The following TRERF1 variants were observed in gnomAD, a reference collection of about 807,000 sequenced individuals.
TRERF1 encodes the protein transcriptional regulating factor 1, also known as transcriptional-regulating factor 1.
In TRERF1, 27 loss-of-function variants were observed where a neutral mutation model predicts 122.9. The ratio of observed to expected loss-of-function variants is 0.22; its 90% CI spans 0.16 to 0.30. The LOEUF (loss-of-function observed/expected upper bound fraction) is 0.30, where lower values mean the gene tolerates loss of function less well. TRERF1 is among the 10% of genes least tolerant of loss of function. The pLI is 1.00. For missense variants in TRERF1, 1,248 were observed against 1,560.3 expected, an observed-to-expected ratio of 0.80 and a Z score of 3.37; for synonymous variants, 636 against 641.7, an observed-to-expected ratio of 0.99 and a Z score of 0.13.
At chr6:42,408,240 TGTATATATACATACAC>T (rs1780516256) in intron 2 of TRERF1, among the ~76,000 whole-genome samples, 5 of 108,386 alleles carry the variant, frequency 4.6e-5, no homozygotes, top group African/African-American at 1.4e-4. Context: ...TGTGTGTGTA[TGTATATATACATACAC>T]ATGTGTGTGT....
intron 3 of TRERF1, among the ~76,000 whole-genome samples, chr6:42,323,105 A>G (rs1393035235): frequency 6.6e-6 from 1 of 152,140 alleles, no homozygotes; most frequent in East Asian, 1.9e-4. Context: ...TATTTGTCTA[A>G]GAGTGGTAAA....
chr6:42,425,713 T>A (rs1783545526), intron 2 of TRERF1, among the ~76,000 whole-genome samples: 1 of 151,572 alleles, frequency 6.6e-6, no homozygotes, highest in African/African-American at 2.4e-5. Context: ...CCAGCTAATT[T>A]TTTGTATTTT....
chr6:42,408,355 G>GTATATA (rs1343646533), intron 2 of TRERF1, among the ~76,000 whole-genome samples: 7 of 102,452 alleles, frequency 6.8e-5, no homozygotes, highest in African/African-American at 1.5e-4. Context: ...GTGTGTGTGT[G>GTATATA]TATATATATA....
chr6:42,258,070 A>G, intron 10 of TRERF1, 65 bp downstream of exon 10: 2 of 1,398,494 alleles, frequency 1.4e-6, no homozygotes, highest in East Asian at 2.3e-5. Context: ...TGACTACAAA[A>G]GTATTAACTA....
chr6:42,315,503 C>T (rs936952420), intron 3 of TRERF1, among the ~76,000 whole-genome samples: 15 of 152,262 alleles, frequency 9.9e-5, no homozygotes, highest in African/African-American at 2.9e-4. Flanking sequence ...GCGCTAGGAT[C>T]GGCGCTTAGA....
intron 2 of TRERF1, among the ~76,000 whole-genome samples, chr6:42,409,377 C>T (rs1005372935): frequency 1.3e-5 from 2 of 152,174 alleles, no homozygotes; most frequent in Non-Finnish European, 2.9e-5. Context: ...ATTTTAATAA[C>T]TACTGCTTGC....
intron 15 of TRERF1, 136 bp from the exon 16 acceptor site, chr6:42,236,547 G>T: frequency 7.4e-7 from 1 of 1,344,464 alleles, no homozygotes; most frequent in Non-Finnish European, 9.9e-7. Context: ...CATAAGGAAT[G>T]GTGGACAGAG....
At chr6:42,379,227 T>C (rs1364263000) in intron 2 of TRERF1, among the ~76,000 whole-genome samples, 2 of 151,740 alleles carry the variant, frequency 1.3e-5, no homozygotes, top group South Asian at 4.2e-4. Flanking sequence ...GAAAAGGGAG[T>C]CTAGGCATGG....
chr6:42,443,821 C>T (rs886784145), intron 2 of TRERF1, among the ~76,000 whole-genome samples: 1 of 152,186 alleles, frequency 6.6e-6, no homozygotes. Flanking sequence ...GGAAATGTTT[C>T]GCTGGCTGTC....
At chr6:42,386,156 G>A (rs906282001) in intron 2 of TRERF1, among the ~76,000 whole-genome samples, 4 of 152,214 alleles carry the variant, frequency 2.6e-5, no homozygotes, top group South Asian at 2.1e-4. Flanking sequence ...GGGAGTTTGA[G>A]GCCGACATGG....
chr6:42,359,111 G>A (rs1771197433), intron 3 of TRERF1, among the ~76,000 whole-genome samples: 1 of 152,160 alleles, frequency 6.6e-6, no homozygotes, highest in South Asian at 2.1e-4. Context: ...AGGTGGTAAA[G>A]CTTTTGGAGG....
chr6:42,432,898 A>C (rs1387033316), intron 2 of TRERF1, among the ~76,000 whole-genome samples: 1 of 152,132 alleles, frequency 6.6e-6, no homozygotes, highest in Non-Finnish European at 1.5e-5. Flanking sequence ...AAAGACATGG[A>C]AAATACTTCT....
chr6:42,315,134 T>C (rs1410453103), intron 3 of TRERF1, among the ~76,000 whole-genome samples: 2 of 152,110 alleles, frequency 1.3e-5, no homozygotes, highest in East Asian at 1.9e-4. Flanking sequence ...CTCCATTATG[T>C]AGGGTAGTGG....
At chr6:42,287,036 G>C (rs1169421505) in intron 4 of TRERF1, among the ~76,000 whole-genome samples, 2 of 146,638 alleles carry the variant, frequency 1.4e-5, no homozygotes, top group Non-Finnish European at 3.0e-5. Context: ...GTAAACTATC[G>C]CAAGAACAAA....
chr6:42,288,788 A>C (rs1235967604), intron 4 of TRERF1, among the ~76,000 whole-genome samples: 1 of 152,022 alleles, frequency 6.6e-6, no homozygotes, highest in Non-Finnish European at 1.5e-5. Context: ...GGTGGATGTA[A>C]AGAACTAAAA....
chr6:42,348,751 T>C (rs1391685613), intron 3 of TRERF1, among the ~76,000 whole-genome samples: 2 of 152,190 alleles, frequency 1.3e-5, no homozygotes, highest in African/African-American at 2.4e-5. Context: ...TTTGGTCTAA[T>C]GGTACACTGG....
Position 42,243,247 on chromosome 6 carries a change from C to T in TRERF1, c.2859+1G>A. The stretch of plus-strand genomic sequence containing the variant: ...AGCAACAACTTAGCAGCTTCACTCA[C>T]CACACAATCGTCGATGATTTCTGCC... On this transcript the variant is annotated splice_donor_variant, in intron 15 of 17. Coordinates refer to ENST00000372922, the Ensembl canonical transcript of TRERF1. LOFTEE classifies it high-confidence loss of function. 2 of 1,613,542 alleles carry T rather than the reference C, an allele frequency of 1.2e-6. No individual in the cohort carries two copies. The highest frequency in any genetic ancestry group is 1.7e-6 in the Non-Finnish European group (2 of 1,179,490).
intron 3 of TRERF1, among the ~76,000 whole-genome samples, chr6:42,317,475 C>G (rs1414408771): frequency 1.3e-5 from 2 of 151,932 alleles, no homozygotes; most frequent in Non-Finnish European, 2.9e-5. Context: ...CCACCTCAAC[C>G]TCTCAAGAAG....
intron 2 of TRERF1, among the ~76,000 whole-genome samples, chr6:42,436,833 AT>A (rs1785528252): frequency 7.8e-5 from 11 of 141,278 alleles, no homozygotes; most frequent in Admixed American, 2.1e-4. Context: ...ATATATATAT[AT>A]ATATATATAT....
Sources: allele counts gnomAD v4.1 joint callset (sites outside exome capture counted in the v4.1 genomes callset), GRCh38; gene constraint gnomAD v4.1.1; transcripts MANE v1.5; gene names NCBI Gene and HGNC (gene_info 2026-07-23, HGNC 2026-07-21).